The following SERHL2 variants were observed in gnomAD, a reference collection of about 807,000 sequenced individuals.
SERHL2 encodes serine hydrolase like 2.
A neutral mutation model predicts 25.5 loss-of-function variants in SERHL2; 29 were observed. The observed-to-expected ratio is 1.14, with a 90% CI of 0.85 to 1.55. The LOEUF is 1.55. Among genes scored for constraint, SERHL2 ranks in the 40% most tolerant of loss-of-function variants. The probability of loss-of-function intolerance (pLI) is 0.00; values close to 1 mark genes in which losing one functional copy is unlikely to be tolerated. For missense variants in SERHL2, 240 were observed against 252.3 expected, an observed-to-expected ratio of 0.95 and a Z score of 0.33; for synonymous variants, 95 against 103.5, an observed-to-expected ratio of 0.92 and a Z score of 0.50.
At chr22:42,569,019 T>C (rs1923788226) in intron 9 of SERHL2, 1 of 151,798 alleles carries the variant, frequency 6.6e-6, no homozygotes, top group South Asian at 2.1e-4. Flanking sequence ...GTAGCTGAGA[T>C]TACAGGCGCC....
intron 9 of SERHL2, among the ~76,000 whole-genome samples, chr22:42,566,720 A>C (rs1203420512): frequency 6.6e-6 from 1 of 152,070 alleles, no homozygotes; most frequent in Admixed American, 6.6e-5. Context: ...AAAAGCTCGA[A>C]GTCAGCTCGG....
chr22:42,565,852 TG>T (rs1923304684), intron 8 of SERHL2, among the ~76,000 whole-genome samples: 1 of 151,662 alleles, frequency 6.6e-6, no homozygotes, highest in Non-Finnish European at 1.5e-5. Flanking sequence ...GGTTTTTTAG[TG>T]GTTTTTGTTT....
intron 8 of SERHL2, among the ~76,000 whole-genome samples, chr22:42,560,725 ATTT>A (rs1199683127): frequency 6.6e-6 from 1 of 151,546 alleles, no homozygotes; most frequent in Non-Finnish European, 1.5e-5. Flanking sequence ...TTACCCAGGA[ATTT>A]TTTTTCTTTC....
intron 7 of SERHL2, among the ~76,000 whole-genome samples, chr22:42,559,791 T>C (rs2146679574): frequency 6.6e-6 from 1 of 151,916 alleles, no homozygotes; most frequent in African/African-American, 2.4e-5. Context: ...TTTGCTGCCC[T>C]TGTCTCCATT....
In SERHL2 at chr22:42,560,092, A is replaced by T; in HGVS notation, c.534-94A>T. The T allele has an allele frequency of 3.3e-6, 3 of 915,160 alleles. No individual in the cohort carries two copies. The South Asian group carries it at 4.0e-5, about 12-fold the overall frequency. 56.7% of individuals were successfully genotyped at this position (915,160 alleles called of 1,614,324 possible). Reference sequence around the variant, plus strand: ...CTCCCAAAGTGCTGGGATTACAGGCATGAGCCACCGTCCCCCCCGGCCCTC... The same window carrying T: ...CTCCCAAAGTGCTGGGATTACAGGCTTGAGCCACCGTCCCCCCCGGCCCTC... On this transcript the variant is annotated intron_variant, in intron 7 of 11. Coordinates refer to ENST00000327678, the MANE Select transcript of SERHL2 (RefSeq NM_014509.5).
intron 8 of SERHL2, 98 bp downstream of exon 8, chr22:42,560,363 T>G: frequency 2.3e-6 from 2 of 856,308 alleles, no homozygotes; most frequent in Non-Finnish European, 3.9e-6. Context: ...ACTAAGCGCT[T>G]TGCAAACAGC....
At chr22:42,554,200 G>C (rs938300027) in intron 1 of SERHL2, 158 bp downstream of exon 1, 3 of 919,558 alleles carry the variant, frequency 3.3e-6, no homozygotes, top group Non-Finnish European at 4.9e-6. Flanking sequence ...AGCGCGACCG[G>C]CCAGGAGTTG....
intron 9 of SERHL2, chr22:42,569,725 T>C (rs1179890042): frequency 2.7e-5 from 4 of 150,856 alleles, no homozygotes; most frequent in Admixed American, 2.6e-4. Flanking sequence ...TGGGAACCCC[T>C]GTTTCAGGGA....
intron 9 of SERHL2, chr22:42,569,925 G>A (rs1282772125): frequency 6.6e-6 from 1 of 151,936 alleles, no homozygotes; most frequent in East Asian, 1.9e-4. Flanking sequence ...GTGTAACTTA[G>A]GGGAGCTGGT....
chr22:42,559,675 C>G (rs533808595), intron 7 of SERHL2, among the ~76,000 whole-genome samples: 1 of 151,288 alleles, frequency 6.6e-6, no homozygotes, highest in Non-Finnish European at 1.5e-5. Flanking sequence ...ACCCAGATTG[C>G]GCCACTGTAC....
At chr22:42,559,084 G>A (rs1235831428) in intron 7 of SERHL2, among the ~76,000 whole-genome samples, 2 of 88,500 alleles carry the variant, frequency 2.3e-5, no homozygotes, top group Admixed American at 2.5e-4. Flanking sequence ...CCCTGCCGCT[G>A]TAAACATGCA....
intron 8 of SERHL2, chr22:42,565,435 C>T (rs1012073922): frequency 6.6e-6 from 1 of 151,686 alleles, no homozygotes; most frequent in South Asian, 2.1e-4. Flanking sequence ...AAGCGATTCT[C>T]CTGCCTCAGC....
chr22:42,571,470 C>T, intron 10 of SERHL2: 2 of 1,309,620 alleles, frequency 1.5e-6, no homozygotes, highest in Non-Finnish European at 1.9e-6. Context: ...CCAGGTAAGG[C>T]TCCATAACCA....
At chr22:42,560,069 C>T in intron 7 of SERHL2, 117 bp from the exon 8 acceptor site, 1 of 754,090 alleles carries the variant, frequency 1.3e-6, no homozygotes, top group Non-Finnish European at 2.3e-6. Context: ...ATCTTGTCCT[C>T]CCAAAGTGCT....
chr22:42,567,071 C>T (rs549349357), intron 9 of SERHL2, among the ~76,000 whole-genome samples: 8 of 152,260 alleles, frequency 5.3e-5, no homozygotes, highest in Admixed American at 3.3e-4. Flanking sequence ...TGAGTGGCCT[C>T]GCACAGTGCT....
At chr22:42,565,715 A>G (rs1418090829) in intron 8 of SERHL2, among the ~76,000 whole-genome samples, 1 of 151,594 alleles carries the variant, frequency 6.6e-6, no homozygotes, top group Non-Finnish European at 1.5e-5. Context: ...CGGCCTCCCA[A>G]AGTGCTGGAA....
At position 42,572,466 on chromosome 22, in the gene SERHL2, G is replaced by A. The variant is rs746554165; in HGVS notation, c.762G>A (p.Gln254=). ...TCCACGGATATTTTGATTCAAGACA[G>A]AATTACTCTGAGAAGGAGTCCCTGT... ...KAVHGYFDSR[Q]NYSEKESLSF... Residue 254 remains glutamine, a synonymous_variant, in exon 11 of 12, where the codon CAG becomes CAA. Coordinates refer to ENST00000327678, the MANE Select transcript of SERHL2 (RefSeq NM_014509.5). 3.6e-5 allele frequency: 58 copies of A among 1,611,698 alleles called. 2 individuals carry two copies. Among genetic ancestry groups the A allele is most frequent in the Non-Finnish European group, 4.7e-5 (55 of 1,178,270 alleles).
chr22:42,559,620 TGTAAC>T (rs1344098061), intron 7 of SERHL2, among the ~76,000 whole-genome samples: 1 of 151,414 alleles, frequency 6.6e-6, no homozygotes, highest in Non-Finnish European at 1.5e-5. Context: ...ATTCTCTAGA[TGTAAC>T]GAAGAATGGC....
chr22:42,569,140 T>C (rs1191828130), intron 9 of SERHL2: 8 of 98,876 alleles, frequency 8.1e-5, no homozygotes, highest in Admixed American at 3.5e-4. Context: ...TTTTTTTTTT[T>C]TCTTGCAAAG....
Sources: allele counts gnomAD v4.1 joint callset (sites outside exome capture counted in the v4.1 genomes callset), GRCh38; gene constraint gnomAD v4.1.1; transcripts MANE v1.5; gene names NCBI Gene and HGNC (gene_info 2026-07-23, HGNC 2026-07-21).